The following LINGO2 variants were observed in gnomAD, a reference collection of about 807,000 sequenced individuals.
LINGO2 encodes the protein leucine rich repeat and Ig domain containing 2.
In LINGO2, 14 loss-of-function variants were observed where a neutral mutation model predicts 30.6. That is an observed-to-expected ratio of 0.46 (90% CI 0.30 to 0.72). LINGO2 has a LOEUF of 0.72. Among genes scored for constraint, LINGO2 ranks in the 30% least tolerant of loss-of-function variants. The pLI is 0.07. For missense variants in LINGO2, 729 were observed against 751.7 expected (o/e 0.97, Z 0.35); for synonymous variants, 317 against 288.5 (o/e 1.10, Z -1.00).
At chr9:28,658,359 T>TA (rs1828449796) in intron 1 of LINGO2, among the ~76,000 whole-genome samples, 1 of 152,076 alleles carries the variant, frequency 6.6e-6, no homozygotes, top group African/African-American at 2.4e-5. Context: ...ACTATTATTG[T>TA]GGAGCTTTCT....
the LINGO2 span, among the ~76,000 whole-genome samples, chr9:29,070,718 A>G: frequency 6.7e-6 from 1 of 148,368 alleles, no homozygotes; most frequent in South Asian, 2.2e-4. Flanking sequence ...CATTAACTTC[A>G]CCCTAAAAGA....
At chr9:27,969,479 A>G (rs1820254556) in intron 5 of LINGO2, among the ~76,000 whole-genome samples, 1 of 152,206 alleles carries the variant, frequency 6.6e-6, no homozygotes, top group African/African-American at 2.4e-5. Flanking sequence ...AAATAATGAT[A>G]ATAATAAAAA....
chr9:28,749,266 T>G, the LINGO2 span, among the ~76,000 whole-genome samples: 3 of 151,990 alleles, frequency 2.0e-5, no homozygotes, highest in Admixed American at 6.6e-5. Context: ...AAATGTTCCT[T>G]TTGTCCTTTA....
At chr9:29,116,823 G>A in the LINGO2 span, among the ~76,000 whole-genome samples, 2 of 152,110 alleles carry the variant, frequency 1.3e-5, no homozygotes, top group Non-Finnish European at 2.9e-5. Flanking sequence ...TGCTTAAACT[G>A]ATTTACTTTC....
At chr9:28,750,408 G>A in the LINGO2 span, among the ~76,000 whole-genome samples, 1 of 152,074 alleles carries the variant, frequency 6.6e-6, no homozygotes. Context: ...TAGAATAAGG[G>A]AAGGAAAGGA....
chr9:28,104,265 TG>T lies in LINGO2; in HGVS notation c.-86-91861del, dbSNP rs1480143807. ...TTTTCCCCAGTACAAGTTTTTTGTT[TG>T]TTTTTTTTTTTTTTTTTTTTGCTTT... On this transcript the variant is annotated intron_variant, in intron 4 of 5. Transcript: ENST00000379992. 7.4e-4 allele frequency among the ~76,000 whole-genome samples: 78 copies of T among 105,664 alleles called. 3 individuals are homozygous for T. Among genetic ancestry groups the T allele is most frequent in the South Asian group, 2.5e-3 (7 of 2,834 alleles). 69.3% of individuals were successfully genotyped at this position (105,664 alleles called of 152,430 possible).
rs1279621881 is a variant in LINGO2 at position 28,329,956 on chromosome 9, T to C, written c.-245-34590A>G. ...TGTATTTATTTCAACACTTTATTTT[T>C]TGAGCTTGCTATTTACTGAATTCTG... On this transcript the variant is annotated intron_variant, in intron 3 of 5. Coordinates refer to ENST00000379992, the Ensembl canonical transcript of LINGO2. The surrounding 1 kb of genome is among the most constrained non-coding windows in gnomAD (Gnocchi z 4.5). Among the ~76,000 whole-genome samples, 2 of 152,180 alleles carry C rather than the reference T, an allele frequency of 1.3e-5. No homozygotes were observed. Among genetic ancestry groups the C allele is most frequent in the Admixed American group, 1.3e-4 (2 of 15,272 alleles).
chr9:28,883,287 C>T, the LINGO2 span, among the ~76,000 whole-genome samples: 129,366 of 151,866 alleles, frequency 0.85, 55,268 homozygotes, highest in Non-Finnish European at 0.89. Context: ...CTCTGCCTCC[C>T]GGGTTCAAGT....
intron 3 of LINGO2, among the ~76,000 whole-genome samples, chr9:28,342,270 C>A (rs1204435448): frequency 6.6e-6 from 1 of 152,118 alleles, no homozygotes; most frequent in Non-Finnish European, 1.5e-5. Context: ...TGTCCTTGAT[C>A]TTTTAGTGTT....
Position 27,953,951 on chromosome 9 carries a change from T to C in LINGO2, c.-35-3245A>G, listed in dbSNP as rs10968222. Among the ~76,000 whole-genome samples, 1,533 of 152,226 alleles carry C rather than the reference T, an allele frequency of 0.01. 132 individuals carry two copies. In the East Asian group the frequency reaches 0.21, roughly 21 times the overall value. On this transcript the variant is annotated intron_variant, in intron 5 of 5. Coordinates refer to ENST00000379992, the Ensembl canonical transcript of LINGO2. The stretch of plus-strand genomic sequence containing the variant: ...TAAAGATGTTGACAATACTAACTTT[T>C]TGAGGTGGTGGGATTAATGGTGATT...
intron 2 of LINGO2, among the ~76,000 whole-genome samples, chr9:28,416,345 T>C (rs1822967273): frequency 1.3e-5 from 2 of 152,188 alleles, no homozygotes; most frequent in South Asian, 4.1e-4. Context: ...AGAACAGAAT[T>C]GCTATGGTTT....
the LINGO2 span, among the ~76,000 whole-genome samples, chr9:29,087,034 C>T: frequency 6.6e-6 from 1 of 152,026 alleles, no homozygotes; most frequent in Non-Finnish European, 1.5e-5. Context: ...TGCCACCACA[C>T]CCCATTAATT....
chr9:28,197,907 G>T (rs1352133305), intron 4 of LINGO2, among the ~76,000 whole-genome samples: 1 of 151,792 alleles, frequency 6.6e-6, no homozygotes, highest in Non-Finnish European at 1.5e-5. Context: ...TAAGAGAAAT[G>T]TAAGTTACAA....
At chr9:28,804,293 T>C in the LINGO2 span, among the ~76,000 whole-genome samples, 3 of 152,092 alleles carry the variant, frequency 2.0e-5, no homozygotes, top group African/African-American at 7.2e-5. Context: ...CCTCAGGTTA[T>C]AAGTTGATGT....
chr9:28,980,536 T>C, the LINGO2 span, among the ~76,000 whole-genome samples: 1 of 152,036 alleles, frequency 6.6e-6, no homozygotes, highest in African/African-American at 2.4e-5. Context: ...CTTTGCTTAC[T>C]CCATTTCAGC....
At position 28,485,419 on chromosome 9, in the gene LINGO2, C is replaced by T. The variant is rs1302580579; in HGVS notation, c.-364-9394G>A. 2.0e-5 allele frequency among the ~76,000 whole-genome samples: 3 copies of T among 151,936 alleles called. No homozygotes were observed. The East Asian group carries it at 5.8e-4, about 29-fold the overall frequency. On this transcript the variant is annotated intron_variant, in intron 1 of 5. Transcript: ENST00000379992. ...ATACCTACACCATAACCTAGCTAGACTATAATATGCTACAATTTAAAGTGT... is the reference window on the plus strand; with the variant it reads ...ATACCTACACCATAACCTAGCTAGATTATAATATGCTACAATTTAAAGTGT...
intron 4 of LINGO2, among the ~76,000 whole-genome samples, chr9:28,022,837 G>T (rs1183064691): frequency 6.6e-6 from 1 of 150,768 alleles, no homozygotes; most frequent in Non-Finnish European, 1.5e-5. Context: ...TTTTGAAATT[G>T]TCCTACAACT....
chr9:28,482,144 TG>T (rs1825997514), intron 1 of LINGO2, among the ~76,000 whole-genome samples: 1 of 152,006 alleles, frequency 6.6e-6, no homozygotes, highest in Non-Finnish European at 1.5e-5. Context: ...TATCCAGTAA[TG>T]GGATGGCTGG....
the LINGO2 span, among the ~76,000 whole-genome samples, chr9:28,880,625 C>T: frequency 6.6e-6 from 1 of 152,102 alleles, no homozygotes; most frequent in African/African-American, 2.4e-5. Flanking sequence ...TGACCGTCAC[C>T]CAGCCCAACA....
Sources: allele counts gnomAD v4.1 joint callset (sites outside exome capture counted in the v4.1 genomes callset), GRCh38; gene constraint gnomAD v4.1.1; non-coding constraint Gnocchi (gnomAD v3.1); transcripts MANE v1.5; gene names NCBI Gene and HGNC (gene_info 2026-07-23, HGNC 2026-07-21).